CC2D2A: variants seen among roughly 807,000 people sequenced by gnomAD.
The protein encoded by CC2D2A is coiled-coil and C2 domain containing 2A.
Under a neutral mutation model 212.9 loss-of-function variants are expected in CC2D2A, and 155 were observed. The observed-to-expected ratio is 0.73, with a 90% CI of 0.64 to 0.83. CC2D2A has a LOEUF of 0.83. Ranked by LOEUF, CC2D2A falls within the 40% of genes least tolerant of loss-of-function variation. The probability of loss-of-function intolerance (pLI) is 0.00; values close to 1 mark genes in which losing one functional copy is unlikely to be tolerated. For synonymous variants in CC2D2A, 667 were observed against 686.5 expected (o/e 0.97, Z 0.44); for missense variants, 1,856 against 1,956.2 (o/e 0.95, Z 0.97).
chr4:15,511,349 A>C lies in CC2D2A; in HGVS notation c.643A>C (p.Arg215=). The C allele has an allele frequency of 6.3e-7, 1 of 1,589,422 alleles. No homozygotes were observed. The highest frequency in any genetic ancestry group is 8.5e-7 in the Non-Finnish European group (1 of 1,170,690). Residue 215 remains arginine (R), a synonymous_variant, in exon 8 of 37, where the codon AGA becomes CGA. Transcript: ENST00000424120. ...GSEEKPKARH[R]AGTNQEEEEG... ...AGAGGAAAAACCAAAAGCAAGACAT[A>C]GAGCGGGAACTAATCAAGAGGAGGA...
At chr4:15,484,911 C>T (rs1714913936) in intron 4 of CC2D2A, among the ~76,000 whole-genome samples, 1 of 151,942 alleles carries the variant, frequency 6.6e-6, no homozygotes, top group African/African-American at 2.4e-5. Flanking sequence ...CTAGAATGTC[C>T]CTTTCCCACC....
At chr4:15,589,799 A>ATG in intron 33 of CC2D2A, 120 bp downstream of exon 33, 1 of 239,896 alleles carries the variant, frequency 4.2e-6, no homozygotes, top group South Asian at 2.1e-4. Context: ...ATATATATAT[A>ATG]CACACATATA....
chr4:15,482,267 C>T (rs1215210804), intron 4 of CC2D2A: 10 of 983,818 alleles, frequency 1.0e-5, no homozygotes, highest in Non-Finnish European at 3.6e-6. Flanking sequence ...AAATTTATCT[C>T]ATATGGCTGT....
intron 29 of CC2D2A, among the ~76,000 whole-genome samples, chr4:15,576,137 T>C (rs1407735867): frequency 6.6e-6 from 1 of 152,208 alleles, no homozygotes; most frequent in Non-Finnish European, 1.5e-5. Context: ...TAGAAAGCAT[T>C]TATCTTAGAC....
intron 1 of CC2D2A, among the ~76,000 whole-genome samples, chr4:15,475,669 G>A (rs1359568011): frequency 6.6e-6 from 1 of 152,156 alleles, no homozygotes; most frequent in African/African-American, 2.4e-5. Flanking sequence ...ATTCCAACCA[G>A]TGCCATCCAA....
rs370492044 is a variant in CC2D2A at position 15,580,068 on chromosome 4, T to C, written c.3872T>C (p.Ile1291Thr). Residue 1291 changes from isoleucine (I) to threonine (T), a missense_variant, in exon 30 of 37, where the codon ATT becomes ACT. Transcript: ENST00000424120. ...FPNRQCLTTV[I>T]DISGKTVFIT... ...AATCGTCAGTGCCTTACAACAGTAA[T>C]TGATATAAGCGGAAAAACTGTTTTT... 5.4e-4 allele frequency: 869 copies of C among 1,613,964 alleles called. 10 individuals are homozygous for C. In the South Asian group the frequency reaches 7.1e-3, roughly 13 times the overall value.
At chr4:15,475,221 C>A (rs1365835164) in intron 1 of CC2D2A, among the ~76,000 whole-genome samples, 2 of 152,202 alleles carry the variant, frequency 1.3e-5, no homozygotes, top group African/African-American at 4.8e-5. Flanking sequence ...TTGCAGTGAG[C>A]CGAGATCGTG....
chr4:15,544,165 C>A (rs189907155), intron 17 of CC2D2A, among the ~76,000 whole-genome samples: 1 of 152,140 alleles, frequency 6.6e-6, no homozygotes, highest in Non-Finnish European at 1.5e-5. Flanking sequence ...TTACTGCACA[C>A]AAAACATTGT....
chr4:15,486,328 C>G (rs1186406832), intron 4 of CC2D2A, among the ~76,000 whole-genome samples: 4 of 151,986 alleles, frequency 2.6e-5, no homozygotes, highest in Non-Finnish European at 5.9e-5. Flanking sequence ...CTGCTTCTAT[C>G]TCATTACTTG....
intron 8 of CC2D2A, among the ~76,000 whole-genome samples, chr4:15,514,210 A>C (rs1434608505): frequency 1.3e-5 from 2 of 152,220 alleles, no homozygotes; most frequent in Non-Finnish European, 2.9e-5. Context: ...TGAGGATCAG[A>C]AGGTTAAATA....
chr4:15,584,278 C>T (rs367682560), intron 30 of CC2D2A, among the ~76,000 whole-genome samples: 1 of 152,138 alleles, frequency 6.6e-6, no homozygotes, highest in East Asian at 1.9e-4. Context: ...GTAACTAAAA[C>T]AGCATGGCTG....
At chr4:15,598,463 T>C (rs1022106451) in intron 35 of CC2D2A, among the ~76,000 whole-genome samples, 13 of 152,180 alleles carry the variant, frequency 8.5e-5, no homozygotes, top group African/African-American at 3.1e-4. Flanking sequence ...TGTCCCCTCA[T>C]CTGTAAAATC....
At chr4:15,501,781 G>A (rs1715967784) in intron 4 of CC2D2A, among the ~76,000 whole-genome samples, 2 of 152,084 alleles carry the variant, frequency 1.3e-5, no homozygotes, top group Admixed American at 6.6e-5. Context: ...AATACCTGGG[G>A]CACTCCTCAC....
rs780023818 is a variant in CC2D2A at position 15,567,603 on chromosome 4, T to C, written c.3289-74T>C. On this transcript the variant is annotated intron_variant, in intron 25 of 36. Transcript: ENST00000424120. ...CTTTGGAAACATACTACTTAGTAAATATACTCTATTTTTGCTAAGAATAAA... is the reference window on the plus strand; with the variant it reads ...CTTTGGAAACATACTACTTAGTAAACATACTCTATTTTTGCTAAGAATAAA... The C allele has an allele frequency of 3.0e-4, 391 of 1,308,450 alleles. 2 individuals carry two copies. In the Middle Eastern group the frequency reaches 3.1e-3, roughly 10 times the overall value. 81.1% of individuals were successfully genotyped at this position (1,308,450 alleles called of 1,614,324 possible).
chr4:15,530,213 T>C (rs888399982), intron 13 of CC2D2A, among the ~76,000 whole-genome samples: 11 of 152,174 alleles, frequency 7.2e-5, no homozygotes, highest in South Asian at 2.1e-4. Context: ...CCTCGTGATC[T>C]GCCCGCCTTG....
At chr4:15,541,690 C>T (rs892631073) in intron 17 of CC2D2A, among the ~76,000 whole-genome samples, 3 of 152,020 alleles carry the variant, frequency 2.0e-5, no homozygotes, top group Admixed American at 2.0e-4. Flanking sequence ...TCAATTATGC[C>T]GCAATCATGG....
intron 36 of CC2D2A, among the ~76,000 whole-genome samples, chr4:15,600,138 T>C (rs2069000): frequency 0.042 from 6,395 of 152,250 alleles, 291 homozygotes; most frequent in East Asian, 0.22. Flanking sequence ...TATAGCTGGA[T>C]AATAAAACCT....
At chr4:15,565,774 A>G (rs1719852668) in intron 24 of CC2D2A, among the ~76,000 whole-genome samples, 1 of 151,864 alleles carries the variant, frequency 6.6e-6, no homozygotes, top group Non-Finnish European at 1.5e-5. Flanking sequence ...AAGCCCAGCT[A>G]ATTTGTTTTA....
chr4:15,533,242 C>T lies in CC2D2A; in HGVS notation c.1516C>T (p.Leu506Phe), dbSNP rs752566751. ...TGAACAAGAAAAAGATAGAACATTG[C>T]TTAAGACTATCATAAAAGTTTGGAA... ...DAEQEKDRTL[L>F]KTIIKVWKEM... Residue 506 changes from leucine (L) to phenylalanine (F), a missense_variant, in exon 14 of 37, where the codon CTT (leucine) becomes TTT (phenylalanine). Physicochemically the swap from Leu to Phe is conservative, Grantham distance 22. Around this residue, in one of 5 missense-constraint regions of CC2D2A, gnomAD observed 1,512 missense variants for 1,579.3 expected, o/e 0.96. Coordinates refer to ENST00000424120, the MANE Select transcript of CC2D2A (RefSeq NM_001378615.1). 1.2e-5 allele frequency: 20 copies of T among 1,601,186 alleles called. No homozygotes were observed. In the South Asian group the frequency reaches 1.8e-4, roughly 15 times the overall value.
Sources: allele counts gnomAD v4.1 joint callset (sites outside exome capture counted in the v4.1 genomes callset), GRCh38; gene constraint gnomAD v4.1.1; regional missense constraint gnomAD v4.1.1; transcripts MANE v1.5; gene names NCBI Gene and HGNC (gene_info 2026-07-23, HGNC 2026-07-21).